The following SASH1 variants were observed in gnomAD, a reference collection of about 807,000 sequenced individuals.
SASH1 encodes the protein SAM and SH3 domain containing 1.
SASH1 carries 44 observed loss-of-function variants against 125.2 expected under a neutral mutation model. That is an observed-to-expected ratio of 0.35 (90% CI 0.28 to 0.45). The LOEUF (loss-of-function observed/expected upper bound fraction) is 0.45, where lower values mean the gene tolerates loss of function less well. SASH1 is among the 20% of genes least tolerant of loss of function. SASH1 has a pLI of 1.00. For synonymous variants in SASH1, 639 were observed against 649.1 expected, an observed-to-expected ratio of 0.98 and a Z score of 0.24; for missense variants, 1,426 against 1,614.5, an observed-to-expected ratio of 0.88 and a Z score of 2.00.
At chr6:148,194,812 A>G in the SASH1 span, among the ~76,000 whole-genome samples, 1 of 152,238 alleles carries the variant, frequency 6.6e-6, no homozygotes, top group Admixed American at 6.5e-5. Context: ...AGGCTGAGGC[A>G]GGAAAATGGC....
At chr6:148,202,380 A>G in the SASH1 span, among the ~76,000 whole-genome samples, 3 of 152,138 alleles carry the variant, frequency 2.0e-5, no homozygotes, top group Admixed American at 6.5e-5. Context: ...TAGCGAAAAG[A>G]CATCCAAGGA....
chr6:148,275,427 A>G (rs562291832), intron 1 of SASH1, among the ~76,000 whole-genome samples: 30 of 152,164 alleles, frequency 2.0e-4, no homozygotes, highest in African/African-American at 6.0e-4. Flanking sequence ...TTTTGCCTAG[A>G]CTGTCTTATT....
intron 1 of SASH1, among the ~76,000 whole-genome samples, chr6:148,349,683 A>G (rs537966429): frequency 2.6e-5 from 4 of 152,244 alleles, no homozygotes; most frequent in Non-Finnish European, 4.4e-5. Flanking sequence ...GTGTCGAGTC[A>G]TTACCTGTCC....
At chr6:148,236,289 AC>A in the SASH1 span, among the ~76,000 whole-genome samples, 2 of 151,476 alleles carry the variant, frequency 1.3e-5, no homozygotes, top group African/African-American at 4.9e-5. Context: ...ATCTCGGCTC[AC>A]TGCAACCTCT....
chr6:148,432,858 A>G (rs1463193561), intron 2 of SASH1, among the ~76,000 whole-genome samples: 1 of 152,132 alleles, frequency 6.6e-6, no homozygotes, highest in Non-Finnish European at 1.5e-5. Flanking sequence ...TGAGTCTGGT[A>G]TTTTGCACAA....
intron 1 of SASH1, among the ~76,000 whole-genome samples, chr6:148,350,597 G>C (rs1217598280): frequency 6.6e-6 from 1 of 152,182 alleles, no homozygotes; most frequent in Non-Finnish European, 1.5e-5. Flanking sequence ...AGAGTGCTGT[G>C]GTGCTACCTG....
Position 148,464,555 on chromosome 6 carries a change from A to G in SASH1, c.387-3990A>G, listed in dbSNP as rs372755369. ...CTTTGGAGCTGACGTCTGAGCATTAATTTCTTCCACCAGGAGATTAGTAAA... is the reference window on the plus strand; with the variant it reads ...CTTTGGAGCTGACGTCTGAGCATTAGTTTCTTCCACCAGGAGATTAGTAAA... On this transcript the variant is annotated intron_variant, in intron 4 of 19. Transcript: ENST00000367467. 9.2e-5 allele frequency among the ~76,000 whole-genome samples: 14 copies of G among 152,212 alleles called. No homozygotes were observed. The East Asian group carries it at 1.7e-3, about 19-fold the overall frequency.
At chr6:148,199,998 T>G in the SASH1 span, among the ~76,000 whole-genome samples, 2 of 151,812 alleles carry the variant, frequency 1.3e-5, no homozygotes, top group Non-Finnish European at 2.9e-5. Context: ...AAACCCGGAA[T>G]AGTAGTATTT....
rs77453565 is a variant in SASH1 at position 148,332,151 on chromosome 6, G to A, written n.75-57983G>A. ...CTCCCTGATGAAGGGCTTTTTAACA[G>A]GTAATGCTTTAGCATGGGTTTGGCT... On this transcript the variant is annotated intron_variant and non_coding_transcript_variant, in intron 1 of 3. Coordinates refer to the SASH1 transcript ENST00000367469. Among the ~76,000 whole-genome samples, 1,091 of 152,200 alleles carry A rather than the reference G, an allele frequency of 7.2e-3. 3 individuals are homozygous for A. Among genetic ancestry groups the A allele is most frequent in the Non-Finnish European group, 0.011 (770 of 68,026 alleles).
At position 148,306,653 on chromosome 6, in the gene SASH1, C is replaced by T. The variant is rs369600544; in HGVS notation, n.74+34276C>T. Among the ~76,000 whole-genome samples the T allele has an allele frequency of 6.3e-4, 96 of 152,252 alleles. 2 individuals are homozygous for T. The South Asian group carries it at 0.017, about 26-fold the overall frequency. On this transcript the variant is annotated intron_variant and non_coding_transcript_variant, in intron 1 of 3. Coordinates refer to the SASH1 transcript ENST00000367469. Reference sequence around the variant, plus strand: ...ATTGAAGCAGTCTTTCCCTCCTATTCGCACAGTCTCCTCTCCCTAGAAACA... The same window carrying T: ...ATTGAAGCAGTCTTTCCCTCCTATTTGCACAGTCTCCTCTCCCTAGAAACA...
chr6:148,448,218 C>G (rs967866336), intron 4 of SASH1, among the ~76,000 whole-genome samples: 1 of 152,036 alleles, frequency 6.6e-6, no homozygotes, highest in African/African-American at 2.4e-5. Flanking sequence ...TGCTTCTCTC[C>G]TGGCACACAG....
chr6:148,504,977 A>G (rs1459299790), intron 8 of SASH1, among the ~76,000 whole-genome samples: 1 of 152,088 alleles, frequency 6.6e-6, no homozygotes, highest in Non-Finnish European at 1.5e-5. Context: ...CTGGGGATGT[A>G]TCCTTCCCGC....
chr6:148,283,103 T>C (rs1454038851), intron 1 of SASH1, among the ~76,000 whole-genome samples: 1 of 152,170 alleles, frequency 6.6e-6, no homozygotes, highest in African/African-American at 2.4e-5. Context: ...AGTGAAGTAA[T>C]ATTAGAAGAT....
At chr6:148,408,215 C>G (rs58044109) in intron 2 of SASH1, among the ~76,000 whole-genome samples, 28,792 of 139,104 alleles carry the variant, frequency 0.21, 2,882 homozygotes, top group East Asian at 0.28. Flanking sequence ...TCAAGCGATT[C>G]TCCTGCCTCA....
At chr6:148,391,271 A>G (rs1400756259) in intron 2 of SASH1, among the ~76,000 whole-genome samples, 1 of 151,972 alleles carries the variant, frequency 6.6e-6, no homozygotes, top group Admixed American at 6.6e-5. Flanking sequence ...CACCACACCC[A>G]GCTAATTTTG....
intron 1 of SASH1, among the ~76,000 whole-genome samples, chr6:148,290,213 C>T (rs1037592625): frequency 5.3e-5 from 8 of 151,646 alleles, no homozygotes; most frequent in African/African-American, 9.7e-5. Context: ...TAGTTTTTCT[C>T]GGTGATTACA....
chr6:148,409,745 C>T (rs576039935), intron 2 of SASH1, among the ~76,000 whole-genome samples: 2 of 152,166 alleles, frequency 1.3e-5, no homozygotes, highest in South Asian at 2.1e-4. Context: ...ACCAGTCTGG[C>T]CAACATGGTG....
At chr6:148,251,756 A>G in the SASH1 span, among the ~76,000 whole-genome samples, 3,635 of 151,864 alleles carry the variant, frequency 0.024, 136 homozygotes, top group African/African-American at 0.083. Context: ...ATATGTATAC[A>G]TGTGCCATAC....
intron 4 of SASH1, among the ~76,000 whole-genome samples, chr6:148,463,443 C>T (rs991821051): frequency 2.0e-5 from 3 of 152,024 alleles, no homozygotes; most frequent in African/African-American, 7.2e-5. Context: ...CGCCCAGCTG[C>T]GATATAATTT....
Sources: gnomAD v4.1 joint callset for allele counts (sites outside exome capture counted in the v4.1 genomes callset) on GRCh38, gnomAD v4.1.1 for gene constraint, MANE v1.5 for transcripts, NCBI Gene and HGNC (gene_info 2026-07-23, HGNC 2026-07-21) for gene names.